AGBL4: variants seen among roughly 807,000 people sequenced by gnomAD.
AGBL4 encodes cytosolic carboxypeptidase 6.
A neutral mutation model predicts 66.4 loss-of-function variants in AGBL4; 58 were observed. The observed-to-expected ratio is 0.87, with a 90% CI of 0.71 to 1.09. The LOEUF (loss-of-function observed/expected upper bound fraction) is 1.09. AGBL4 is among the 50% of genes least tolerant of loss of function. AGBL4 has a pLI of 0.00. For synonymous variants in AGBL4, 234 were observed against 222.9 expected (o/e 1.05, Z -0.44); for missense variants, 579 against 631.0 (o/e 0.92, Z 0.88).
At chr1:49,841,416 T>C (rs1390775354) in intron 2 of AGBL4, among the ~76,000 whole-genome samples, 1 of 152,216 alleles carries the variant, frequency 6.6e-6, no homozygotes, top group Non-Finnish European at 1.5e-5. Context: ...ATGGCCATAC[T>C]GTCCAAAACA....
intron 3 of AGBL4, among the ~76,000 whole-genome samples, chr1:49,628,824 T>C (rs1456483920): frequency 2.0e-5 from 3 of 152,188 alleles, no homozygotes; most frequent in African/African-American, 7.2e-5. Context: ...ACTGACCCTC[T>C]TCTCTCAAAT....
At chr1:49,933,991 G>C (rs1653653347) in intron 1 of AGBL4, among the ~76,000 whole-genome samples, 1 of 152,036 alleles carries the variant, frequency 6.6e-6, no homozygotes, top group Non-Finnish European at 1.5e-5. Context: ...CAAGATCCAA[G>C]TATATGTTGT....
At chr1:48,680,728 A>G (rs774554795) in intron 6 of AGBL4, among the ~76,000 whole-genome samples, 32 of 152,252 alleles carry the variant, frequency 2.1e-4, no homozygotes, top group Admixed American at 2.0e-3. Context: ...TGAAATATCA[A>G]TATATGTTCG....
At chr1:49,915,141 A>T (rs1371290256) in intron 1 of AGBL4, among the ~76,000 whole-genome samples, 1 of 152,210 alleles carries the variant, frequency 6.6e-6, no homozygotes, top group Non-Finnish European at 1.5e-5. Context: ...GCTCCAGCCT[A>T]CAGCTCCCAG....
At position 49,138,471 on chromosome 1, in the gene AGBL4, T is replaced by C. The variant is rs534247769; in HGVS notation, c.378-92671A>G. On this transcript the variant is annotated intron_variant, in intron 4 of 13. Coordinates refer to ENST00000371839, the MANE Select transcript of AGBL4 (RefSeq NM_032785.4). ...CACATTTACTATTGCACTTCTTTGA[T>C]GCCAATTTGTTCCTTAACCCACTGC... Among the ~76,000 whole-genome samples, 25 of 152,296 alleles carry C rather than the reference T, an allele frequency of 1.6e-4. No individual in the cohort carries two copies. The South Asian group carries it at 5.2e-3, about 32-fold the overall frequency.
intron 6 of AGBL4, among the ~76,000 whole-genome samples, chr1:48,812,731 C>A (rs1231713913): frequency 6.6e-6 from 1 of 151,950 alleles, no homozygotes; most frequent in Non-Finnish European, 1.5e-5. Context: ...CAATGATAGA[C>A]TGGATTAAGA....
rs556231226 is a variant in AGBL4, at chr1:48,756,620, G to A, written c.635-93379C>T. 1.2e-4 allele frequency among the ~76,000 whole-genome samples: 18 copies of A among 152,340 alleles called. 2 individuals are homozygous for A. In the South Asian group the frequency reaches 3.7e-3, roughly 32 times the overall value. On this transcript the variant is annotated intron_variant, in intron 6 of 13. Transcript: ENST00000371839. ...TTGGGAAGTAGGGAAGTTGGGATTT[G>A]AATCCAAGCCGTGAAAACATACAAC...
chr1:50,022,513 A>T (rs190472953), intron 1 of AGBL4, among the ~76,000 whole-genome samples: 2 of 152,124 alleles, frequency 1.3e-5, no homozygotes, highest in African/African-American at 4.8e-5. Context: ...AAGAAAGAGA[A>T]ATAATGAAGG....
At chr1:49,799,457 A>T (rs1424583887) in intron 2 of AGBL4, among the ~76,000 whole-genome samples, 1 of 152,180 alleles carries the variant, frequency 6.6e-6, no homozygotes, top group African/African-American at 2.4e-5. Context: ...TTCCATGAAT[A>T]TCCTCATTGG....
chr1:50,018,662 T>C (rs896742156), intron 1 of AGBL4, among the ~76,000 whole-genome samples: 5 of 152,118 alleles, frequency 3.3e-5, no homozygotes, highest in African/African-American at 1.2e-4. Context: ...GTAGCTTTCA[T>C]TGAAAGTGAC....
intron 8 of AGBL4, among the ~76,000 whole-genome samples, chr1:48,640,367 A>G (rs1421739592): frequency 6.6e-6 from 1 of 152,204 alleles, no homozygotes; most frequent in Non-Finnish European, 1.5e-5. Context: ...ATTGTCTACT[A>G]TAAACCCAGG....
At chr1:48,920,580 C>T (rs181377548) in intron 5 of AGBL4, among the ~76,000 whole-genome samples, 96 of 152,142 alleles carry the variant, frequency 6.3e-4, no homozygotes, top group Admixed American at 1.1e-3. Context: ...TAAAAACAAC[C>T]CTATGAGGTA....
At chr1:49,662,783 C>A (rs556839247) in intron 3 of AGBL4, among the ~76,000 whole-genome samples, 1 of 152,226 alleles carries the variant, frequency 6.6e-6, no homozygotes, top group Non-Finnish European at 1.5e-5. Context: ...AATAGGAAAA[C>A]TCCTGTGCAT....
At chr1:49,818,416 A>T (rs1645286327) in intron 2 of AGBL4, among the ~76,000 whole-genome samples, 1 of 148,486 alleles carries the variant, frequency 6.7e-6, no homozygotes. Context: ...CCCAGGCTGG[A>T]GTGCAGTGGC....
chr1:49,347,252 CTTT>C (rs35313917), intron 3 of AGBL4, among the ~76,000 whole-genome samples: 14 of 115,826 alleles, frequency 1.2e-4, no homozygotes, highest in African/African-American at 9.4e-5. Flanking sequence ...TTCTTTCTTT[CTTT>C]TTTTTTTTTT....
At position 49,476,693 on chromosome 1, in the gene AGBL4, T is replaced by G. The variant is rs1017929652; in HGVS notation, c.282+220620A>C. 3.4e-4 allele frequency among the ~76,000 whole-genome samples: 52 copies of G among 152,202 alleles called. 1 individual carries two copies. Among genetic ancestry groups the G allele is most frequent in the African/African-American group, 1.2e-3 (50 of 41,566 alleles). On this transcript the variant is annotated intron_variant, in intron 3 of 13. Transcript: ENST00000371839. Reference sequence around the variant, plus strand: ...GTCCTTTTTCTTATTGTTTCTGACTTAAAGACTGTTTTATGTAATATAAGA... The same window carrying G: ...GTCCTTTTTCTTATTGTTTCTGACTGAAAGACTGTTTTATGTAATATAAGA...
chr1:48,721,783 T>C (rs1647154289), intron 6 of AGBL4, among the ~76,000 whole-genome samples: 1 of 152,220 alleles, frequency 6.6e-6, no homozygotes, highest in African/African-American at 2.4e-5. Flanking sequence ...GGTTTGTCTC[T>C]GCTCCGTTGC....
chr1:49,819,572 G>A (rs1645315548), intron 2 of AGBL4, among the ~76,000 whole-genome samples: 1 of 151,932 alleles, frequency 6.6e-6, no homozygotes, highest in Non-Finnish European at 1.5e-5. Context: ...CCGTGTATAA[G>A]AAAAAAATAA....
intron 4 of AGBL4, among the ~76,000 whole-genome samples, chr1:49,130,881 A>G (rs1645878795): frequency 6.6e-6 from 1 of 152,152 alleles, no homozygotes; most frequent in African/African-American, 2.4e-5. Context: ...AAAGTTAAAA[A>G]TATGCTTACT....
Sources: gnomAD v4.1 joint callset for allele counts (sites outside exome capture counted in the v4.1 genomes callset) on GRCh38, gnomAD v4.1.1 for gene constraint, MANE v1.5 for transcripts, NCBI Gene and HGNC (gene_info 2026-07-23, HGNC 2026-07-21) for gene names.